The following VAV3 variants were observed in gnomAD, a reference collection of about 807,000 sequenced individuals.
The protein encoded by VAV3 is guanine nucleotide exchange factor VAV3.
VAV3 carries 94 observed loss-of-function variants against 131.2 expected under a neutral mutation model. The observed-to-expected ratio is 0.72, with a 90% CI of 0.61 to 0.85. The LOEUF (loss-of-function observed/expected upper bound fraction) is 0.85. VAV3 is among the 40% of genes least tolerant of loss of function. The probability of loss-of-function intolerance (pLI) is 0.00; values close to 1 mark genes in which losing one functional copy is unlikely to be tolerated. For synonymous variants in VAV3, 349 were observed against 342.0 expected (o/e 1.02, Z -0.22); for missense variants, 939 against 1,002.7 (o/e 0.94, Z 0.86).
intron 15 of VAV3, among the ~76,000 whole-genome samples, chr1:107,728,446 G>A (rs539180846): frequency 1.3e-5 from 2 of 152,134 alleles, no homozygotes; most frequent in South Asian, 2.1e-4. Flanking sequence ...GCATTTGAGG[G>A]AAAAATAATC....
In VAV3 at chr1:107,576,044, T is replaced by C. The variant is rs1435234401; in HGVS notation, c.2351-1846A>G. Reference sequence around the variant, plus strand: ...TATTTATTTTCTTCATGAAAATACATAAACATTGGCTTTTTTCAACTAAAC... The same window carrying C: ...TATTTATTTTCTTCATGAAAATACACAAACATTGGCTTTTTTCAACTAAAC... On this transcript the variant is annotated intron_variant, in intron 25 of 26. Coordinates refer to ENST00000370056, the MANE Select transcript of VAV3 (RefSeq NM_006113.5). Among the ~76,000 whole-genome samples the C allele has an allele frequency of 7.9e-5, 12 of 152,170 alleles. 1 individual carries two copies. The highest frequency in any genetic ancestry group is 6.5e-4 in the Admixed American group (10 of 15,282).
intron 2 of VAV3, chr1:107,785,624 A>C: frequency 8.8e-7 from 1 of 1,142,802 alleles, no homozygotes; most frequent in African/African-American, 1.7e-5. Flanking sequence ...CTGGTTTCTG[A>C]AGGATCAGAG....
intron 1 of VAV3, among the ~76,000 whole-genome samples, chr1:107,935,835 T>C (rs1673684671): frequency 6.6e-6 from 1 of 152,028 alleles, no homozygotes; most frequent in Non-Finnish European, 1.5e-5. Context: ...CCTATTACAA[T>C]GACAAGGAGA....
chr1:107,746,890 T>A (rs1437574285), intron 15 of VAV3, among the ~76,000 whole-genome samples: 4 of 152,050 alleles, frequency 2.6e-5, no homozygotes, highest in African/African-American at 9.7e-5. Flanking sequence ...CTCTTTTTTT[T>A]TTTTTTCAAG....
chr1:107,865,590 A>G (rs1454265154), intron 2 of VAV3, among the ~76,000 whole-genome samples: 1 of 152,316 alleles, frequency 6.6e-6, no homozygotes, highest in East Asian at 1.9e-4. Context: ...AAATAAGGTT[A>G]GAAAGGTAGG....
At chr1:107,731,595 C>T (rs55711603) in intron 15 of VAV3, among the ~76,000 whole-genome samples, 14,819 of 151,760 alleles carry the variant, frequency 0.098, 911 homozygotes, top group East Asian at 0.26. Context: ...AGAATCTTCT[C>T]CAGTTATTAT....
In VAV3 at chr1:107,823,672, G is replaced by T. The variant is rs1667895284; in HGVS notation, c.322-44180C>A. Reference sequence around the variant, plus strand: ...GTTTGTATCTCCACAAAACTCCTATGTTGAAGCCCTAAACCCCAGTACCAT... The same window carrying T: ...GTTTGTATCTCCACAAAACTCCTATTTTGAAGCCCTAAACCCCAGTACCAT... On this transcript the variant is annotated intron_variant, in intron 2 of 26. Transcript: ENST00000370056. 2.0e-5 allele frequency among the ~76,000 whole-genome samples: 3 copies of T among 152,170 alleles called. No individual in the cohort carries two copies. In the South Asian group the frequency reaches 6.2e-4, roughly 31 times the overall value.
At chr1:107,659,131 G>T (rs1245162408) in intron 19 of VAV3, among the ~76,000 whole-genome samples, 2 of 151,978 alleles carry the variant, frequency 1.3e-5, no homozygotes, top group Admixed American at 1.3e-4. Flanking sequence ...TTTGTATAAG[G>T]TGTAAGGAAG....
At chr1:107,777,481 G>T (rs1665430292) in intron 3 of VAV3, among the ~76,000 whole-genome samples, 185 bp from the exon 4 acceptor site, 1 of 152,144 alleles carries the variant, frequency 6.6e-6, no homozygotes, top group Non-Finnish European at 1.5e-5. Flanking sequence ...CTTTGTCTGG[G>T]GTTCCCCTAG....
rs1665357634 is a variant in VAV3 at position 107,776,375 on chromosome 1, T to G, written c.446+856A>C. ...AAGCAAACCAAGACTGTCTCAGGCA[T>G]TGGCAAATGCTGTAAAAACACAGCA... On this transcript the variant is annotated intron_variant, in intron 4 of 26. Transcript: ENST00000370056. 2.6e-5 allele frequency among the ~76,000 whole-genome samples: 4 copies of G among 152,226 alleles called. No homozygotes were observed. The South Asian group carries it at 8.3e-4, about 32-fold the overall frequency.
intron 22 of VAV3, among the ~76,000 whole-genome samples, chr1:107,605,994 G>C (rs1227303970): frequency 6.6e-6 from 1 of 152,104 alleles, no homozygotes; most frequent in Non-Finnish European, 1.5e-5. Flanking sequence ...TCTTCTAATT[G>C]ATACTGCTTG....
intron 21 of VAV3, among the ~76,000 whole-genome samples, chr1:107,614,009 T>G (rs1042865222): frequency 6.6e-6 from 1 of 152,156 alleles, no homozygotes; most frequent in Non-Finnish European, 1.5e-5. Flanking sequence ...CTGGATGGTT[T>G]TGGATTTAAG....
chr1:107,638,927 T>C (rs1395544280), intron 20 of VAV3, among the ~76,000 whole-genome samples: 1 of 151,824 alleles, frequency 6.6e-6, no homozygotes, highest in African/African-American at 2.4e-5. Context: ...CACACACATA[T>C]AAAGATACAC....
intron 19 of VAV3, among the ~76,000 whole-genome samples, chr1:107,667,878 G>A (rs553938848): frequency 5.3e-5 from 8 of 152,116 alleles, no homozygotes; most frequent in Non-Finnish European, 1.0e-4. Flanking sequence ...TTCCTTCCTT[G>A]CTTGGAATCG....
intron 1 of VAV3, among the ~76,000 whole-genome samples, chr1:107,950,991 TAGACCATC>T: frequency 6.6e-6 from 1 of 152,280 alleles, no homozygotes; most frequent in East Asian, 1.9e-4. Flanking sequence ...TTCAAGAGAA[TAGACCATC>T]ATCTCATGCT....
chr1:107,902,100 T>TA (rs1571116850), intron 1 of VAV3, among the ~76,000 whole-genome samples: 1 of 148,300 alleles, frequency 6.7e-6, no homozygotes, highest in Non-Finnish European at 1.5e-5. Context: ...GCCTGCAAAA[T>TA]AAAAAAATAA....
chr1:107,926,223 G>A (rs1052170038), intron 1 of VAV3, among the ~76,000 whole-genome samples: 3 of 152,144 alleles, frequency 2.0e-5, no homozygotes, highest in African/African-American at 7.2e-5. Context: ...GGAGGTTGCA[G>A]TGAGCCAAGA....
rs575315724 is a variant in VAV3 at position 107,755,411 on chromosome 1, A to G, written c.1173+16T>C. 27 of 1,580,220 alleles carry G rather than the reference A, an allele frequency of 1.7e-5. No individual in the cohort carries two copies. The South Asian group carries it at 2.7e-4, about 16-fold the overall frequency. Reference sequence around the variant, plus strand: ...GTGGGGGTGAGGGGAAGCTGGATGGAAAGATAATTACATACCAAATTCTCT... The same window carrying G: ...GTGGGGGTGAGGGGAAGCTGGATGGGAAGATAATTACATACCAAATTCTCT... On this transcript the variant is annotated intron_variant, in intron 12 of 26. Coordinates refer to ENST00000370056, the MANE Select transcript of VAV3 (RefSeq NM_006113.5).
At chr1:107,728,630 T>A (rs76803060) in intron 15 of VAV3, among the ~76,000 whole-genome samples, 2 of 143,002 alleles carry the variant, frequency 1.4e-5, no homozygotes, top group Non-Finnish European at 3.0e-5. Context: ...TATATGTATA[T>A]GTATATGTAT....
Sources: allele counts gnomAD v4.1 joint callset (sites outside exome capture counted in the v4.1 genomes callset), GRCh38; gene constraint gnomAD v4.1.1; transcripts MANE v1.5; gene names NCBI Gene and HGNC (gene_info 2026-07-23, HGNC 2026-07-21).